Variants in CDC42BPA observed in about 807,000 individuals in gnomAD.
CDC42BPA encodes the protein serine/threonine-protein kinase MRCK alpha.
Under a neutral mutation model 223.5 loss-of-function variants are expected in CDC42BPA, and 80 were observed. That is an observed-to-expected ratio of 0.36 (90% CI 0.30 to 0.43). CDC42BPA has a LOEUF of 0.43. Ranked by LOEUF, CDC42BPA falls within the 20% of genes least tolerant of loss-of-function variation. CDC42BPA has a pLI of 1.00. For synonymous variants in CDC42BPA, 694 were observed against 718.6 expected, an observed-to-expected ratio of 0.97 and a Z score of 0.55; for missense variants, 1,743 against 2,099.9, an observed-to-expected ratio of 0.83 and a Z score of 3.32.
At chr1:227,135,724 C>G (rs765121985) in intron 10 of CDC42BPA, among the ~76,000 whole-genome samples, 2 of 151,736 alleles carry the variant, frequency 1.3e-5, no homozygotes, top group Admixed American at 1.3e-4. Context: ...CATGGTGGCA[C>G]GTGCCTGTAG....
intron 1 of CDC42BPA, among the ~76,000 whole-genome samples, chr1:227,276,053 C>G (rs1686935583): frequency 6.6e-6 from 1 of 152,152 alleles, no homozygotes; most frequent in Admixed American, 6.5e-5. Flanking sequence ...GCGTCTCTGC[C>G]TGGCTGCCCA....
At chr1:227,137,678 C>CA (rs34947627) in intron 10 of CDC42BPA, among the ~76,000 whole-genome samples, 102,948 of 144,226 alleles carry the variant, frequency 0.71, 36,251 homozygotes, top group South Asian at 0.86. Flanking sequence ...AACAGCAGTA[C>CA]AAAAAAAAAA....
At chr1:227,200,439 AAC>A (rs71496913) in intron 3 of CDC42BPA, among the ~76,000 whole-genome samples, 2 of 8,666 alleles carry the variant, frequency 2.3e-4, no homozygotes, top group Admixed American at 6.0e-4. Flanking sequence ...TTAAAAAACA[AAC>A]AAACAAAAAA....
intron 33 of CDC42BPA, 80 bp downstream of exon 33, chr1:227,016,847 C>A (rs940550769): frequency 7.3e-7 from 1 of 1,368,170 alleles, no homozygotes; most frequent in Non-Finnish European, 9.6e-7. Flanking sequence ...ATTTTCCTTC[C>A]AAATCAAATA....
intron 2 of CDC42BPA, among the ~76,000 whole-genome samples, chr1:227,215,390 T>C (rs1401613845): frequency 1.3e-5 from 2 of 152,202 alleles, no homozygotes; most frequent in African/African-American, 4.8e-5. Context: ...TACTTCAGTG[T>C]CCTTGTCATG....
At chr1:227,295,453 C>T (rs1217028254) in intron 1 of CDC42BPA, among the ~76,000 whole-genome samples, 1 of 145,462 alleles carries the variant, frequency 6.9e-6, no homozygotes, top group Non-Finnish European at 1.5e-5. Context: ...AACACCATGC[C>T]CAGCATGAAA....
At chr1:227,305,908 G>A (rs1692453699) in intron 1 of CDC42BPA, among the ~76,000 whole-genome samples, 1 of 152,212 alleles carries the variant, frequency 6.6e-6, no homozygotes, top group Non-Finnish European at 1.5e-5. Flanking sequence ...GGAGGCTGCA[G>A]TGAGCCAAGA....
At chr1:227,179,207 A>G (rs1305402358) in intron 5 of CDC42BPA, among the ~76,000 whole-genome samples, 2 of 152,198 alleles carry the variant, frequency 1.3e-5, no homozygotes, top group Non-Finnish European at 2.9e-5. Context: ...CTTAAGGTAT[A>G]GAGAAGAGTG....
chr1:227,245,311 A>C (rs1680745229), intron 2 of CDC42BPA, among the ~76,000 whole-genome samples: 1 of 97,326 alleles, frequency 1.0e-5, no homozygotes, highest in Non-Finnish European at 2.1e-5. Flanking sequence ...TTTTTTTGAG[A>C]CGGAGTCTCA....
intron 1 of CDC42BPA, among the ~76,000 whole-genome samples, chr1:227,290,980 C>T (rs1275107918): frequency 9.2e-5 from 14 of 152,250 alleles, no homozygotes; most frequent in East Asian, 3.9e-4. Context: ...GAATCCATTC[C>T]GTCTTCCTAA....
chr1:227,191,173 A>G (rs1379917742), intron 5 of CDC42BPA, among the ~76,000 whole-genome samples: 1 of 151,898 alleles, frequency 6.6e-6, no homozygotes, highest in Non-Finnish European at 1.5e-5. Flanking sequence ...GAGAAAACCC[A>G]CCTCTACTAA....
chr1:227,292,636 T>TA (rs1428165197), intron 1 of CDC42BPA, among the ~76,000 whole-genome samples: 2 of 152,226 alleles, frequency 1.3e-5, no homozygotes, highest in Non-Finnish European at 2.9e-5. Context: ...CACTAAATTC[T>TA]AAAATCAAAA....
At chr1:227,107,167 T>A (rs1572851008) in intron 14 of CDC42BPA, among the ~76,000 whole-genome samples, 1 of 152,234 alleles carries the variant, frequency 6.6e-6, no homozygotes, top group East Asian at 1.9e-4. Context: ...CAATATTAAA[T>A]CCCACTATTC....
intron 1 of CDC42BPA, among the ~76,000 whole-genome samples, chr1:227,300,452 T>C (rs1014339567): frequency 3.3e-5 from 5 of 152,140 alleles, no homozygotes; most frequent in African/African-American, 1.2e-4. Flanking sequence ...AAAGAATATA[T>C]GGTATATATA....
chr1:227,182,992 T>C (rs1668193098), intron 5 of CDC42BPA: 1 of 152,372 alleles, frequency 6.6e-6, no homozygotes, highest in Non-Finnish European at 1.5e-5. Context: ...AAGGCTGCCA[T>C]GTCGGCTTCC....
intron 1 of CDC42BPA, among the ~76,000 whole-genome samples, chr1:227,309,172 C>T (rs1257806775): frequency 2.8e-5 from 4 of 143,800 alleles, no homozygotes; most frequent in Non-Finnish European, 4.5e-5. Context: ...TCAAGACCAG[C>T]GTGGACAACA....
chr1:227,194,077 A>T (rs1670254167), intron 4 of CDC42BPA, 143 bp from the exon 5 acceptor site: 1 of 579,462 alleles, frequency 1.7e-6, no homozygotes. Flanking sequence ...ACTGTGTAAG[A>T]TGATGATCAG....
intron 6 of CDC42BPA, among the ~76,000 whole-genome samples, chr1:227,153,727 T>G (rs745736821): frequency 6.6e-6 from 1 of 151,800 alleles, no homozygotes; most frequent in Non-Finnish European, 1.5e-5. Flanking sequence ...TCATTAAAAA[T>G]TTGAATCAAT....
At chr1:227,269,079 T>C (rs899031885) in intron 1 of CDC42BPA, among the ~76,000 whole-genome samples, 2 of 152,226 alleles carry the variant, frequency 1.3e-5, no homozygotes, top group Non-Finnish European at 2.9e-5. Flanking sequence ...ACAGTAAATA[T>C]TGCAGGCTTT....
Sources: allele counts gnomAD v4.1 joint callset (sites outside exome capture counted in the v4.1 genomes callset), GRCh38; gene constraint gnomAD v4.1.1; transcripts MANE v1.5; gene names NCBI Gene and HGNC (gene_info 2026-07-23, HGNC 2026-07-21).